Variants in CDH23 observed in about 807,000 individuals in gnomAD.
CDH23 encodes the protein cadherin related 23.
CDH23 carries 189 observed loss-of-function variants against 317.1 expected under a neutral mutation model. The ratio of observed to expected loss-of-function variants is 0.60; its 90% CI spans 0.53 to 0.67. The LOEUF (loss-of-function observed/expected upper bound fraction) is 0.67, where lower values mean the gene tolerates loss of function less well. CDH23 is among the 30% of genes least tolerant of loss of function. CDH23 has a pLI of 0.00. For missense variants in CDH23, 4,401 were observed against 4,592.4 expected (o/e 0.96, Z 1.20); for synonymous variants, 1,839 against 1,876.8 (o/e 0.98, Z 0.52).
chr10:71,781,975 AG>A (rs1840968688), intron 41 of CDH23, among the ~76,000 whole-genome samples: 1 of 152,216 alleles, frequency 6.6e-6, no homozygotes, highest in African/African-American at 2.4e-5. Flanking sequence ...TGCTACAGCC[AG>A]CACCGCTGTC....
chr10:71,766,766 T>C (rs2166633), intron 38 of CDH23, among the ~76,000 whole-genome samples: 137,391 of 152,168 alleles, frequency 0.9, 62,299 homozygotes, highest in African/African-American at 0.97. Context: ...GGCCACACAG[T>C]GCTGTGTGAC....
rs1388231330 is a variant in CDH23 at position 71,807,714 on chromosome 10, T to C, written c.8507T>C (p.Leu2836Pro). ...DLTLQEVRVV[L>P]EDINDQPPRF... ...ACACTGCAGGAGGTGCGCGTTGTGC[T>C]AGAGGACATCAACGACCAGCCACCA... The change falls in exon 59 of 70, where the codon CTA becomes CCA. Residue 2836 changes from leucine (L) to proline (P), a missense_variant. Leu to Pro is a moderately conservative substitution (Grantham distance 98, BLOSUM62 -3). This residue lies in a region of CDH23 where 1,144 missense variants were observed against 1,138.2 expected (regional missense o/e 1.01). Coordinates refer to ENST00000224721, the MANE Select transcript of CDH23 (RefSeq NM_022124.6). 6.2e-7 allele frequency: 1 copy of C among 1,611,910 alleles called. No homozygotes were observed. Among genetic ancestry groups the C allele is most frequent in the African/African-American group, 1.3e-5 (1 of 74,980 alleles).
chr10:71,450,360 G>A (rs1296897658), intron 3 of CDH23, among the ~76,000 whole-genome samples: 3 of 150,942 alleles, frequency 2.0e-5, no homozygotes, highest in Admixed American at 1.3e-4. Flanking sequence ...CCACCTCCCG[G>A]GTTCCAGTGA....
chr10:71,659,134 TCAGA>T (rs1377772250), intron 14 of CDH23, among the ~76,000 whole-genome samples: 16 of 152,162 alleles, frequency 1.1e-4, no homozygotes, highest in African/African-American at 2.7e-4. Context: ...TTGTTCCTGC[TCAGA>T]CAATCACTCA....
intron 14 of CDH23, among the ~76,000 whole-genome samples, chr10:71,670,788 C>A (rs954114434): frequency 1.3e-5 from 2 of 152,092 alleles, no homozygotes; most frequent in African/African-American, 4.8e-5. Context: ...TGACTTTTTG[C>A]CCCTGGGCCT....
Position 71,793,220 on chromosome 10 carries a change from A to G in CDH23, c.6292A>G (p.Ser2098Gly), listed in dbSNP as rs375699270. 9 of 1,613,676 alleles carry G rather than the reference A, an allele frequency of 5.6e-6. No homozygotes were observed. The highest frequency in any genetic ancestry group is 7.6e-6 in the Non-Finnish European group (9 of 1,179,826). The stretch of plus-strand genomic sequence containing the variant: ...TCAAGTCACAGCCACAGATGAGGAC[A>G]GTGGCCTCAATGGGGAGCTGGTCTA... ...VLQVTATDED[S>G]GLNGELVYRI... Residue 2098 changes from serine to glycine, a missense_variant, in exon 48 of 70, where the codon AGT becomes GGT. Around this residue, in one of 3 missense-constraint regions of CDH23, gnomAD observed 3,068 missense variants for 3,203.3 expected, o/e 0.96. Transcript: ENST00000224721.
intron 6 of CDH23, among the ~76,000 whole-genome samples, chr10:71,559,649 G>A (rs1314208613): frequency 1.3e-5 from 2 of 152,224 alleles, no homozygotes; most frequent in Non-Finnish European, 2.9e-5. Context: ...GGCTCTGGAG[G>A]AGACCAGAAC....
At chr10:71,671,610 C>G (rs1166410461) in intron 14 of CDH23, among the ~76,000 whole-genome samples, 1 of 150,566 alleles carries the variant, frequency 6.6e-6, no homozygotes, top group Non-Finnish European at 1.5e-5. Context: ...CCATGACAAG[C>G]AGATTGGGGC....
intron 3 of CDH23, among the ~76,000 whole-genome samples, chr10:71,472,506 C>T (rs559657230): frequency 1.3e-5 from 2 of 152,256 alleles, no homozygotes; most frequent in Admixed American, 6.5e-5. Flanking sequence ...CTCACTCAGC[C>T]CAGCTGCCAG....
At chr10:71,558,664 G>A (rs1392723206) in intron 6 of CDH23, among the ~76,000 whole-genome samples, 2 of 152,178 alleles carry the variant, frequency 1.3e-5, no homozygotes, top group African/African-American at 2.4e-5. Context: ...ACGTGTAGCT[G>A]CCTGGAAGCT....
chr10:71,764,666 G>A (rs1197239660), intron 38 of CDH23, among the ~76,000 whole-genome samples: 2 of 152,132 alleles, frequency 1.3e-5, no homozygotes, highest in African/African-American at 4.8e-5. Context: ...GAGTCCGTCC[G>A]TACTACTCCC....
intron 1 of CDH23, among the ~76,000 whole-genome samples, chr10:71,420,656 A>G (rs1411957129): frequency 6.6e-6 from 1 of 151,724 alleles, no homozygotes; most frequent in Admixed American, 6.6e-5. Context: ...GTGAGTTTGT[A>G]TTCCAGAGAT....
chr10:71,757,440 G>C (rs1840177661), intron 38 of CDH23: 1 of 152,408 alleles, frequency 6.6e-6, no homozygotes, highest in Non-Finnish European at 1.5e-5. Context: ...TTGGGGACAA[G>C]TCTGTGGATC....
chr10:71,527,384 A>G (rs1431609977), intron 6 of CDH23, among the ~76,000 whole-genome samples: 1 of 152,238 alleles, frequency 6.6e-6, no homozygotes, highest in Non-Finnish European at 1.5e-5. Context: ...GCTGCCATCA[A>G]GGCCATTAGC....
At chr10:71,469,047 C>A (rs1236052379) in intron 3 of CDH23, among the ~76,000 whole-genome samples, 2 of 152,220 alleles carry the variant, frequency 1.3e-5, no homozygotes, top group East Asian at 3.9e-4. Flanking sequence ...TCCTAACACA[C>A]AACCCTCCTG....
chr10:71,448,923 G>A (rs1850300762), intron 3 of CDH23, among the ~76,000 whole-genome samples: 1 of 152,190 alleles, frequency 6.6e-6, no homozygotes. Flanking sequence ...TTGTCCAGGG[G>A]ACTGGCCTTT....
intron 3 of CDH23, among the ~76,000 whole-genome samples, chr10:71,451,292 C>T (rs925306852): frequency 6.6e-6 from 1 of 152,216 alleles, no homozygotes; most frequent in African/African-American, 2.4e-5. Context: ...TTTTTTATCC[C>T]AGCCATGGAT....
intron 3 of CDH23, among the ~76,000 whole-genome samples, chr10:71,457,704 C>T (rs7896230): frequency 0.45 from 68,135 of 152,188 alleles, 15,536 homozygotes; most frequent in East Asian, 0.6. Flanking sequence ...CCGTGTGAGC[C>T]TGGGCAAGTC....
chr10:71,810,452 C>G lies in CDH23; in HGVS notation c.8980-20C>G. 6.2e-7 allele frequency: 1 copy of G among 1,612,342 alleles called. No homozygotes were observed. Reference sequence around the variant, plus strand: ...CCCCTGCTGTGGTGGCCACACCCTACAATACCCCTTCTCATCTAGTTCCAT... The same window carrying G: ...CCCCTGCTGTGGTGGCCACACCCTAGAATACCCCTTCTCATCTAGTTCCAT... On this transcript the variant is annotated intron_variant, in intron 61 of 69. Transcript: ENST00000224721.
Sources: allele counts gnomAD v4.1 joint callset (sites outside exome capture counted in the v4.1 genomes callset), GRCh38; gene constraint gnomAD v4.1.1; regional missense constraint gnomAD v4.1.1; transcripts MANE v1.5; gene names NCBI Gene and HGNC (gene_info 2026-07-23, HGNC 2026-07-21).